Variants in MRE11 observed in about 807,000 individuals in gnomAD.
The protein encoded by MRE11 is MRE11 double strand break repair nuclease.
In MRE11, 62 loss-of-function variants were observed where a neutral mutation model predicts 91.7. That is an observed-to-expected ratio of 0.68 (90% CI 0.55 to 0.84). The LOEUF (loss-of-function observed/expected upper bound fraction) is 0.84. MRE11 is among the 40% of genes least tolerant of loss of function. MRE11 has a pLI of 0.00. For missense variants in MRE11, 796 were observed against 852.9 expected (o/e 0.93, Z 0.83); for synonymous variants, 273 against 271.4 (o/e 1.01, Z -0.06).
intron 13 of MRE11, among the ~76,000 whole-genome samples, chr11:94,456,584 G>A (rs1946253454): frequency 6.6e-6 from 1 of 151,790 alleles, no homozygotes; most frequent in Admixed American, 6.6e-5. Context: ...TCACATCACT[G>A]AAAAAGTCTT....
chr11:94,448,724 G>A (rs618690), intron 14 of MRE11, among the ~76,000 whole-genome samples: 106,005 of 152,008 alleles, frequency 0.7, 37,191 homozygotes, highest in South Asian at 0.77. Flanking sequence ...TTTTAATTTG[G>A]TAAGAATCCA....
rs111321945 is a variant in MRE11, at chr11:94,471,512, G to A, written c.845+62C>T. Reference sequence around the variant, plus strand: ...ACCTTAACATAGGCCTTAAACCTATGAGATGATTAGTTATTATAGCAAAGA... The same window carrying A: ...ACCTTAACATAGGCCTTAAACCTATAAGATGATTAGTTATTATAGCAAAGA... On this transcript the variant is annotated intron_variant, in intron 8 of 19. Transcript: ENST00000323929. 38 of 1,515,322 alleles carry A rather than the reference G, an allele frequency of 2.5e-5. No individual in the cohort carries two copies. In the African/African-American group the frequency reaches 2.9e-4, roughly 12 times the overall value. The allele number at this position is 1,515,322 out of a possible 1,614,324, so 93.9% of individuals were successfully genotyped here. A position where few individuals can be genotyped will look rare whatever the true frequency, so the allele number is the denominator to read the frequency against.
chr11:94,466,596 G>A, intron 10 of MRE11: 1 of 441,612 alleles, frequency 2.3e-6, no homozygotes, highest in Non-Finnish European at 4.7e-6. Flanking sequence ...CAAGGGATAA[G>A]GGATGCGGTT....
Position 94,478,816 on chromosome 11 carries a change from G to A in MRE11, c.463C>T (p.Arg155Cys), listed in dbSNP as rs587782512. 22 of 1,613,646 alleles carry A rather than the reference G, an allele frequency of 1.4e-5. No homozygotes were observed. The highest frequency in any genetic ancestry group is 1.1e-4 in the East Asian group (5 of 44,830). The change falls in exon 6 of 20, where the codon CGT becomes TGT. Residue 155 changes from arginine to cysteine, a missense_variant. Arg to Cys is a radical substitution (Grantham distance 180). Transcript: ENST00000323929. The stretch of plus-strand genomic sequence containing the variant: ...TCTATCTTCTCCACAGACATTGAAC[G>A]TCCAAAGTGATTTACAAATCCAGCA... ...SCAGFVNHFG[R>C]SMSVEKIDIS... is the part of the protein sequence containing the mutation.
rs116830173 is a variant in MRE11 at position 94,476,086 on chromosome 11, T to A, written c.659+203A>T. Among the ~76,000 whole-genome samples the A allele has an allele frequency of 5.9e-3, 901 of 152,312 alleles. 5 individuals carry two copies. Among genetic ancestry groups the A allele is most frequent in the African/African-American group, 0.02 (814 of 41,560 alleles). On this transcript the variant is annotated intron_variant, in intron 7 of 19. Transcript: ENST00000323929. The stretch of plus-strand genomic sequence containing the variant: ...GAGTATTCATGTGTATGCCTTATCC[T>A]TATGTTACAAATATTCTTGTAGGTA...
chr11:94,448,422 CA>C (rs373884127), intron 14 of MRE11, among the ~76,000 whole-genome samples: 52 of 144,398 alleles, frequency 3.6e-4, no homozygotes, highest in Middle Eastern at 3.6e-3. Context: ...ACCAAAAATA[CA>C]AAAAAAAAAC....
At chr11:94,435,662 C>T (rs1213840186) in intron 18 of MRE11, among the ~76,000 whole-genome samples, 170 bp downstream of exon 18, 1 of 152,204 alleles carries the variant, frequency 6.6e-6, no homozygotes, top group Non-Finnish European at 1.5e-5. Context: ...ACTAATGCTG[C>T]ATCAACTCTA....
At chr11:94,502,927 G>A in the MRE11 span, among the ~76,000 whole-genome samples, 2 of 152,110 alleles carry the variant, frequency 1.3e-5, no homozygotes, top group East Asian at 1.9e-4. Context: ...TGCTGGTCTC[G>A]ACCTCCCAAA....
intron 4 of MRE11, 137 bp downstream of exon 4, chr11:94,485,787 G>A: frequency 1.2e-6 from 1 of 816,230 alleles, no homozygotes. Flanking sequence ...ATACAATGAT[G>A]TACAAAAAAA....
intron 9 of MRE11, among the ~76,000 whole-genome samples, chr11:94,468,188 T>C (rs557433941): frequency 1.3e-4 from 20 of 152,304 alleles, no homozygotes; most frequent in Non-Finnish European, 2.8e-4. Flanking sequence ...GCTTACCAAC[T>C]TAAAACCAAG....
At position 94,470,630 on chromosome 11, in the gene MRE11, C is replaced by A. The variant is rs1264079003; in HGVS notation, c.858G>T (p.Leu286Phe). 3 of 1,612,872 alleles carry A rather than the reference C, an allele frequency of 1.9e-6. No individual in the cohort carries two copies. The African/African-American group carries it at 4.0e-5, about 22-fold the overall frequency. ...TCATCTTCCTCCCTTTAATACGCAGCAAACCAACATGTCTGAAGTGGAGAG... is the reference window on the plus strand; with the variant it reads ...TCATCTTCCTCCCTTTAATACGCAGAAAACCAACATGTCTGAAGTGGAGAG... ...PGEAVKKHVG[L>F]LRIKGRKMNM... Residue 286 changes from leucine (L) to phenylalanine (F), a missense_variant, in exon 9 of 20, where the codon TTG becomes TTT. Coordinates refer to ENST00000323929, the MANE Select transcript of MRE11 (RefSeq NM_005591.4).
At position 94,492,855 on chromosome 11, in the gene MRE11, GGTACT is replaced by G. The variant is rs1555018864; in HGVS notation, c.-59_-55del. 3 of 1,529,830 alleles carry G rather than the reference GGTACT, an allele frequency of 2.0e-6. No individual in the cohort carries two copies. The highest frequency in any genetic ancestry group is 2.7e-6 in the Non-Finnish European group (3 of 1,108,190). The allele number at this position is 1,529,830 out of a possible 1,614,324, so 94.8% of individuals were successfully genotyped here. A position where few individuals can be genotyped will look rare whatever the true frequency, so the allele number is the denominator to read the frequency against. Reference sequence around the variant, plus strand: ...CCAGGTTCTTCTCCAAGAACCCCTGGGTACTGTACTCAAATGTCAGAAAATGCACT... The same window carrying G: ...CCAGGTTCTTCTCCAAGAACCCCTGGGTACTCAAATGTCAGAAAATGCACT... On this transcript the variant is annotated 5_prime_UTR_variant, in exon 2 of 20. Transcript: ENST00000323929.
At chr11:94,475,163 C>T (rs1268960513) in intron 7 of MRE11, 1 of 154,040 alleles carries the variant, frequency 6.5e-6, no homozygotes, top group Non-Finnish European at 1.4e-5. Context: ...TTGGCAGATT[C>T]GTGGATTCAA....
rs1945082860 is a variant in MRE11, at chr11:94,418,553, G to A, written c.*1572C>T. 1 of 232,764 alleles carries A rather than the reference G, an allele frequency of 4.3e-6. No individual in the cohort carries two copies. The highest frequency in any genetic ancestry group is 1.8e-4 in the South Asian group (1 of 5,522). The allele number at this position is 232,764 out of a possible 1,614,324, so 14.4% of individuals were successfully genotyped here. ...CTCAGACTGAGCCAGCATGGCTTGTGCAGGGGTAGGTAGCACAGCATCATC... is the reference window on the plus strand; with the variant it reads ...CTCAGACTGAGCCAGCATGGCTTGTACAGGGGTAGGTAGCACAGCATCATC... On this transcript the variant is annotated 3_prime_UTR_variant, in exon 20 of 20. Transcript: ENST00000323929.
intron 13 of MRE11, among the ~76,000 whole-genome samples, chr11:94,459,154 C>T (rs937885061): frequency 6.6e-6 from 1 of 152,068 alleles, no homozygotes; most frequent in Non-Finnish European, 1.5e-5. Flanking sequence ...CTTTAAAGCC[C>T]TTTCAAAGGA....
chr11:94,500,093 C>T, the MRE11 span, among the ~76,000 whole-genome samples: 1 of 152,104 alleles, frequency 6.6e-6, no homozygotes, highest in Admixed American at 6.5e-5. Flanking sequence ...CACCAAATGA[C>T]AGATACAGCT....
At chr11:94,448,398 G>A (rs375220402) in intron 14 of MRE11, among the ~76,000 whole-genome samples, 14 of 151,612 alleles carry the variant, frequency 9.2e-5, no homozygotes, top group African/African-American at 3.2e-4. Flanking sequence ...GCAACATGGC[G>A]AGACCCTGCC....
chr11:94,449,509 T>C (rs1010561500), intron 14 of MRE11, among the ~76,000 whole-genome samples: 1 of 152,234 alleles, frequency 6.6e-6, no homozygotes, highest in African/African-American at 2.4e-5. Flanking sequence ...ATATTTTGAA[T>C]TGCCTGACAC....
At chr11:94,500,321 ACACT>A in the MRE11 span, among the ~76,000 whole-genome samples, 3 of 152,190 alleles carry the variant, frequency 2.0e-5, no homozygotes, top group East Asian at 1.9e-4. Context: ...TCAGACCTCA[ACACT>A]CACTCACTGA....
Sources: gnomAD v4.1 joint callset for allele counts (sites outside exome capture counted in the v4.1 genomes callset) on GRCh38, gnomAD v4.1.1 for gene constraint, MANE v1.5 for transcripts, NCBI Gene and HGNC (gene_info 2026-07-23, HGNC 2026-07-21) for gene names.